The following CACNG2 variants were observed in gnomAD, a reference collection of about 807,000 sequenced individuals.
CACNG2 encodes the protein calcium voltage-gated channel auxiliary subunit gamma 2, also known as voltage-dependent calcium channel gamma-2 subunit.
Under a neutral mutation model 25.9 loss-of-function variants are expected in CACNG2, and 3 were observed. That is an observed-to-expected ratio of 0.12 (90% CI 0.05 to 0.30). CACNG2 has a LOEUF of 0.30. Among genes scored for constraint, CACNG2 ranks in the 10% least tolerant of loss-of-function variants. CACNG2 has a pLI of 1.00. For synonymous variants in CACNG2, 167 were observed against 173.3 expected, an observed-to-expected ratio of 0.96 and a Z score of 0.29; for missense variants, 341 against 432.5, an observed-to-expected ratio of 0.79 and a Z score of 1.88.
intron 1 of CACNG2, among the ~76,000 whole-genome samples, chr22:36,666,706 A>G (rs1046199977): frequency 2.0e-5 from 3 of 152,010 alleles, no homozygotes; most frequent in Non-Finnish European, 2.9e-5. Context: ...AATAAAAAAA[A>G]TAGAAAAAAA....
At chr22:36,653,324 C>CA (rs891350222) in intron 1 of CACNG2, among the ~76,000 whole-genome samples, 3 of 151,834 alleles carry the variant, frequency 2.0e-5, no homozygotes, top group Admixed American at 6.6e-5. Context: ...AGCTCAGTCT[C>CA]AAAAAAACAA....
At chr22:36,574,423 C>A (rs373157039) in intron 2 of CACNG2, among the ~76,000 whole-genome samples, 1 of 152,074 alleles carries the variant, frequency 6.6e-6, no homozygotes, top group African/African-American at 2.4e-5. Context: ...TTCAGACTTG[C>A]CAGCTGGGTG....
intron 1 of CACNG2, among the ~76,000 whole-genome samples, chr22:36,652,082 T>C (rs139380641): frequency 6.6e-6 from 1 of 152,310 alleles, no homozygotes; most frequent in East Asian, 1.9e-4. Context: ...GCCAGGCTGC[T>C]CTGAAACTCC....
At chr22:36,589,673 A>G (rs184990709) in intron 1 of CACNG2, among the ~76,000 whole-genome samples, 1 of 152,278 alleles carries the variant, frequency 6.6e-6, no homozygotes, top group Non-Finnish European at 1.5e-5. Context: ...AAATGGTCCC[A>G]TGGACAGGTG....
rs1219410992 is a variant in CACNG2 at position 36,702,511 on chromosome 22, G to A, written c.66C>T (p.Ser22=). The change falls in exon 1 of 4, where the codon AGC becomes AGT. Residue 22 remains serine, a synonymous_variant. Coordinates refer to ENST00000300105, the MANE Select transcript of CACNG2 (RefSeq NM_006078.5). The part of the protein sequence containing the change: ...LTTVGAFAAF[S]LMTIAVGTDY... Reference sequence around the variant, plus strand: ...CGGTTCCCACAGCTATGGTCATCAGGCTGAAGGCAGCGAAAGCACCAACGG... The same window carrying A: ...CGGTTCCCACAGCTATGGTCATCAGACTGAAGGCAGCGAAAGCACCAACGG... The A allele has an allele frequency of 6.2e-7, 1 of 1,614,122 alleles. No homozygotes were observed. Among genetic ancestry groups the A allele is most frequent in the African/African-American group, 1.3e-5 (1 of 75,034 alleles).
intron 1 of CACNG2, among the ~76,000 whole-genome samples, chr22:36,664,070 C>G (rs1936838834): frequency 6.6e-6 from 1 of 152,186 alleles, no homozygotes; most frequent in South Asian, 2.1e-4. Flanking sequence ...CCTTCCTCCC[C>G]TATGGCTGGA....
At chr22:36,660,710 G>T (rs1383948910) in intron 1 of CACNG2, among the ~76,000 whole-genome samples, 1 of 152,226 alleles carries the variant, frequency 6.6e-6, no homozygotes, top group Non-Finnish European at 1.5e-5. Context: ...AAGTGCCCCA[G>T]TTGAAAGCAC....
chr22:36,661,087 C>T (rs985049222), intron 1 of CACNG2, among the ~76,000 whole-genome samples: 2 of 152,168 alleles, frequency 1.3e-5, no homozygotes, highest in African/African-American at 2.4e-5. Context: ...GCCCTATTAC[C>T]GTGAAATCAA....
At chr22:36,612,517 C>G (rs992921380) in intron 1 of CACNG2, among the ~76,000 whole-genome samples, 4 of 152,196 alleles carry the variant, frequency 2.6e-5, no homozygotes, top group African/African-American at 9.7e-5. Context: ...TTTTTACCAG[C>G]CAATATCTTC....
chr22:36,685,818 T>A (rs1023876864), intron 1 of CACNG2, among the ~76,000 whole-genome samples: 1 of 152,226 alleles, frequency 6.6e-6, no homozygotes, highest in Admixed American at 6.5e-5. Flanking sequence ...CATCTTTCCA[T>A]CCTTTCTCCT....
rs117593504 is a variant in CACNG2 at position 36,605,059 on chromosome 22, G to A, written c.212-17511C>T. 3.7e-3 allele frequency among the ~76,000 whole-genome samples: 564 copies of A among 152,156 alleles called. 12 individuals are homozygous for A. Among genetic ancestry groups the A allele is most frequent in the East Asian group, 0.036 (188 of 5,168 alleles). ...CAAAATGTTGGGATTACAGGTGTAA[G>A]CCACTGCCCTTGGCCCAACATAACT... On this transcript the variant is annotated intron_variant, in intron 1 of 3. Coordinates refer to ENST00000300105, the MANE Select transcript of CACNG2 (RefSeq NM_006078.5).
intron 1 of CACNG2, among the ~76,000 whole-genome samples, chr22:36,700,676 T>C (rs751353857): frequency 2.6e-5 from 4 of 152,240 alleles, no homozygotes; most frequent in Non-Finnish European, 5.9e-5. Flanking sequence ...TGAAAGGCTT[T>C]TCATTTTTTT....
intron 1 of CACNG2, among the ~76,000 whole-genome samples, chr22:36,637,226 A>G (rs546142931): frequency 2.6e-5 from 4 of 152,360 alleles, no homozygotes; most frequent in African/African-American, 9.6e-5. Flanking sequence ...ATTAGGGCCA[A>G]GAAATTGACT....
At chr22:36,642,814 C>G (rs991662435) in intron 1 of CACNG2, among the ~76,000 whole-genome samples, 3 of 152,214 alleles carry the variant, frequency 2.0e-5, no homozygotes, top group Non-Finnish European at 4.4e-5. Context: ...GCTAACCCAG[C>G]ACCGATGCAA....
intron 1 of CACNG2, among the ~76,000 whole-genome samples, chr22:36,641,015 C>T (rs547640943): frequency 4.6e-5 from 7 of 152,264 alleles, no homozygotes; most frequent in South Asian, 4.1e-4. Flanking sequence ...TACTCCCCAC[C>T]GCAATGTCCT....
chr22:36,652,586 T>C (rs1442503893), intron 1 of CACNG2, among the ~76,000 whole-genome samples: 1 of 152,200 alleles, frequency 6.6e-6, no homozygotes, highest in Non-Finnish European at 1.5e-5. Flanking sequence ...AACCCCCATA[T>C]ACCTGTTTTC....
rs1569057421 is a variant in CACNG2 at position 36,702,847 on chromosome 22, A to ATTTT, written c.-272_-271insAAAA. 3.8e-6 allele frequency: 1 copy of ATTTT among 264,310 alleles called. No individual in the cohort carries two copies. Among genetic ancestry groups the ATTTT allele is most frequent in the African/African-American group, 2.5e-5 (1 of 40,516 alleles). The allele number at this position is 264,310 out of a possible 1,614,324, so 16.4% of individuals were successfully genotyped here. The stretch of plus-strand genomic sequence containing the variant: ...TTCCAGTTGCAGTGTTTTTTTTTTA[A>ATTTT]AAAGAAAAGGAAAAAAAAAATAAAA... On this transcript the variant is annotated 5_prime_UTR_variant, in exon 1 of 4. Coordinates refer to ENST00000300105, the MANE Select transcript of CACNG2 (RefSeq NM_006078.5).
At chr22:36,649,166 C>A (rs1057514096) in intron 1 of CACNG2, among the ~76,000 whole-genome samples, 1 of 152,300 alleles carries the variant, frequency 6.6e-6, no homozygotes, top group East Asian at 1.9e-4. Flanking sequence ...TCCCAATCTC[C>A]CCCGGCCTCA....
chr22:36,647,380 G>A (rs909033723), intron 1 of CACNG2, among the ~76,000 whole-genome samples: 6 of 152,122 alleles, frequency 3.9e-5, no homozygotes, highest in Admixed American at 3.9e-4. Flanking sequence ...TGGATCACCT[G>A]AGGTCAAGAG....
Sources: gnomAD v4.1 joint callset for allele counts (sites outside exome capture counted in the v4.1 genomes callset) on GRCh38, gnomAD v4.1.1 for gene constraint, MANE v1.5 for transcripts, NCBI Gene and HGNC (gene_info 2026-07-23, HGNC 2026-07-21) for gene names.